Variants in PHF20 observed in about 807,000 individuals in gnomAD.
The protein encoded by PHF20 is glioma-expressed antigen 2.
A neutral mutation model predicts 113.5 loss-of-function variants in PHF20; 23 were observed. The ratio of observed to expected loss-of-function variants is 0.20; its 90% confidence interval spans 0.15 to 0.29. The LOEUF is 0.29. Among genes scored for constraint, PHF20 ranks in the 10% least tolerant of loss-of-function variants. PHF20 has a pLI of 1.00. For synonymous variants in PHF20, 434 were observed against 457.3 expected (o/e 0.95, Z 0.65); for missense variants, 943 against 1,219.6 (o/e 0.77, Z 3.38).
chr20:35,775,527 G>A (rs373106373), intron 1 of PHF20, among the ~76,000 whole-genome samples: 5 of 152,008 alleles, frequency 3.3e-5, no homozygotes, highest in South Asian at 2.1e-4. Context: ...GAGCTGAGGC[G>A]GGCAGATCAC....
At chr20:35,899,227 ATT>A in intron 9 of PHF20, 141 bp from the exon 10 acceptor site, 2 of 632,770 alleles carry the variant, frequency 3.2e-6, no homozygotes, top group East Asian at 5.5e-5. Context: ...CTAAACAGTA[ATT>A]TGAGGAGGTA....
intron 4 of PHF20, among the ~76,000 whole-genome samples, chr20:35,848,952 G>C (rs758082829): frequency 6.6e-6 from 1 of 151,738 alleles, no homozygotes; most frequent in Non-Finnish European, 1.5e-5. Context: ...TTCCTAAAAT[G>C]GTCATTTGCA....
At chr20:35,772,294 C>A (rs1256514705) in intron 1 of PHF20, among the ~76,000 whole-genome samples, 5 of 151,664 alleles carry the variant, frequency 3.3e-5, no homozygotes, top group African/African-American at 1.2e-4. Context: ...GTGCCCAATC[C>A]CCGGGGCTAC....
chr20:35,914,314 T>A (rs997981543), intron 12 of PHF20, 117 bp downstream of exon 12: 2 of 991,458 alleles, frequency 2.0e-6, no homozygotes, highest in Non-Finnish European at 3.0e-6. Context: ...ATAAAGCTAG[T>A]CAGACATAAT....
intron 2 of PHF20, among the ~76,000 whole-genome samples, chr20:35,815,264 G>A (rs917495967): frequency 3.3e-5 from 5 of 151,770 alleles, no homozygotes; most frequent in Non-Finnish European, 7.4e-5. Flanking sequence ...GAATATGCAT[G>A]GTGTAACTAT....
At position 35,842,555 on chromosome 20, in the gene PHF20, T is replaced by G; in HGVS notation, c.84-18T>G. Reference sequence around the variant, plus strand: ...GGTGGGTATTAAAGGAATGCCAATTTTTTTTTTTCTGACTCAGGTATCCAG... The same window carrying G: ...GGTGGGTATTAAAGGAATGCCAATTGTTTTTTTTCTGACTCAGGTATCCAG... On this transcript the variant is annotated intron_variant, in intron 2 of 17. Transcript: ENST00000374012. 1 of 1,600,906 alleles carries G rather than the reference T, an allele frequency of 6.2e-7. No individual in the cohort carries two copies. The highest frequency in any genetic ancestry group is 8.5e-7 in the Non-Finnish European group (1 of 1,175,634).
chr20:35,912,942 C>T (rs1011281574), intron 10 of PHF20, among the ~76,000 whole-genome samples: 4 of 152,184 alleles, frequency 2.6e-5, no homozygotes, highest in African/African-American at 9.6e-5. Context: ...TACTTTTCAA[C>T]CTTGGGGTTG....
Position 35,942,035 on chromosome 20 carries a change from C to A in PHF20, c.2896+988C>A, listed in dbSNP as rs142382324. On this transcript the variant is annotated intron_variant, in intron 17 of 17. Coordinates refer to ENST00000374012, the MANE Select transcript of PHF20 (RefSeq NM_016436.5). ...AAGACCTAGGCTGGGTGTGGTGGCTCACACCTATAATCCCAGTACTTTGGG... is the reference window on the plus strand; with the variant it reads ...AAGACCTAGGCTGGGTGTGGTGGCTAACACCTATAATCCCAGTACTTTGGG... 1.3e-3 allele frequency among the ~76,000 whole-genome samples: 191 copies of A among 152,216 alleles called. 2 individuals carry two copies. Among genetic ancestry groups the A allele is most frequent in the Middle Eastern group, 6.8e-3 (2 of 294 alleles).
intron 10 of PHF20, 88 bp from the exon 11 acceptor site, chr20:35,913,161 C>T: frequency 1.1e-6 from 1 of 899,564 alleles, no homozygotes; most frequent in Non-Finnish European, 1.8e-6. Flanking sequence ...AGAGCCAGAC[C>T]CATCGGACAT....
At chr20:35,871,905 AT>A (rs2054429881) in intron 9 of PHF20, 76 bp downstream of exon 9, 4 of 978,090 alleles carry the variant, frequency 4.1e-6, no homozygotes, top group Non-Finnish European at 5.9e-6. Context: ...AAAAAAAAAA[AT>A]GACTTTTCTG....
In PHF20 at chr20:35,940,991, A is replaced by G. The variant is rs2055967266; in HGVS notation, c.2840A>G (p.Glu947Gly). The G allele has an allele frequency of 6.2e-7, 1 of 1,614,076 alleles. No homozygotes were observed. Among genetic ancestry groups the G allele is most frequent in the Admixed American group, 1.7e-5 (1 of 60,008 alleles). ...CAGTTTAACCTGCTGACCCATGTGG[A>G]ATCTCTTCAGGATGAAGTTACGCAC... ...QWQFNLLTHV[E>G]SLQDEVTHRM... Residue 947 changes from glutamate to glycine, a missense_variant, in exon 17 of 18, where the codon GAA becomes GGA. Glu to Gly is a moderately conservative substitution (Grantham distance 98, BLOSUM62 -2). This residue lies in a region of PHF20 where 349 missense variants were observed against 412.3 expected (regional missense o/e 0.85). Coordinates refer to ENST00000374012, the MANE Select transcript of PHF20 (RefSeq NM_016436.5).
intron 3 of PHF20, among the ~76,000 whole-genome samples, chr20:35,846,459 TG>T (rs1568644988): frequency 6.6e-6 from 1 of 152,172 alleles, no homozygotes; most frequent in Non-Finnish European, 1.5e-5. Context: ...CCACTGCACC[TG>T]GCCCATTGTA....
chr20:35,944,753 G>C (rs1252879532), intron 17 of PHF20, among the ~76,000 whole-genome samples: 2 of 152,040 alleles, frequency 1.3e-5, no homozygotes, highest in Admixed American at 1.3e-4. Flanking sequence ...TTTTAATAGA[G>C]ATGGGGTTTC....
intron 3 of PHF20, among the ~76,000 whole-genome samples, chr20:35,844,420 T>G (rs1485397496): frequency 3.3e-5 from 5 of 149,918 alleles, no homozygotes; most frequent in East Asian, 3.9e-4. Context: ...TTTTTTGGTT[T>G]TTTTTTTTTT....
chr20:35,804,123 G>A (rs1285956503), intron 2 of PHF20, among the ~76,000 whole-genome samples: 1 of 151,948 alleles, frequency 6.6e-6, no homozygotes, highest in Non-Finnish European at 1.5e-5. Flanking sequence ...CACCCAGGCT[G>A]GAGTGTGGTG....
At chr20:35,897,376 G>A (rs970987149) in intron 9 of PHF20, among the ~76,000 whole-genome samples, 7 of 151,942 alleles carry the variant, frequency 4.6e-5, no homozygotes, top group Non-Finnish European at 8.8e-5. Flanking sequence ...ACATGTATAC[G>A]ATGTATAATG....
At chr20:35,852,111 G>C (rs2042742866) in intron 4 of PHF20, among the ~76,000 whole-genome samples, 1 of 152,196 alleles carries the variant, frequency 6.6e-6, no homozygotes, top group African/African-American at 2.4e-5. Flanking sequence ...AAGCTCACAG[G>C]GGGAAACTGC....
intron 17 of PHF20, among the ~76,000 whole-genome samples, chr20:35,942,718 A>G (rs558942129): frequency 6.6e-6 from 1 of 152,368 alleles, no homozygotes; most frequent in African/African-American, 2.4e-5. Flanking sequence ...TAAAGCTTAA[A>G]GATTTTATTT....
chr20:35,864,407 AACACACACACACACACACAC>A (rs376477234), intron 6 of PHF20, among the ~76,000 whole-genome samples: 18 of 132,428 alleles, frequency 1.4e-4, no homozygotes, highest in African/African-American at 4.9e-4. Flanking sequence ...CCCATCTCAA[AACACACACACACACACACAC>A]ACACACACAC....
Sources: allele counts gnomAD v4.1 joint callset (sites outside exome capture counted in the v4.1 genomes callset), GRCh38; gene constraint gnomAD v4.1.1; regional missense constraint gnomAD v4.1.1; transcripts MANE v1.5; gene names NCBI Gene and HGNC (gene_info 2026-07-23, HGNC 2026-07-21).